SAMD9L: variants seen among roughly 807,000 people sequenced by gnomAD.
SAMD9L encodes the protein sterile alpha motif domain-containing protein 9-like.
In SAMD9L, 68 loss-of-function variants were observed where a neutral mutation model predicts 90.7. The ratio of observed to expected loss-of-function variants is 0.75; its 90% CI spans 0.62 to 0.92. The LOEUF is 0.92. Ranked by LOEUF, SAMD9L falls within the 40% of genes least tolerant of loss-of-function variation. The pLI is 0.00. For missense variants in SAMD9L, 1,604 were observed against 1,824.3 expected (o/e 0.88, Z 2.20); for synonymous variants, 640 against 630.1 (o/e 1.02, Z -0.23).
At chr7:93,141,529 T>C (rs1792689906) in intron 4 of SAMD9L, among the ~76,000 whole-genome samples, 1 of 152,242 alleles carries the variant, frequency 6.6e-6, no homozygotes, top group Non-Finnish European at 1.5e-5. Flanking sequence ...TATCAGTTAA[T>C]GGAACTTGTC....
chr7:93,131,579 G>T lies in SAMD9L; in HGVS notation c.4393C>A (p.Arg1465Ser). Reference sequence around the variant, plus strand: ...CTTGCCTGCTTGGACCTGCACATGCGCTTGTACTGTCCCCTGAAGGATCTA... The same window carrying T: ...CTTGCCTGCTTGGACCTGCACATGCTCTTGTACTGTCCCCTGAAGGATCTA... ...LNRSFRGQYK[R>S]MCRSKQASTL... The change falls in exon 5 of 5, where the codon CGC (arginine) becomes AGC (serine). Residue 1465 changes from arginine to serine, a missense_variant. Arg to Ser is a moderately radical substitution (Grantham distance 110). This residue lies in a region of SAMD9L where 282 missense variants were observed against 329.6 expected (regional missense o/e 0.86). Coordinates refer to ENST00000318238, the MANE Select transcript of SAMD9L (RefSeq NM_152703.5). 1 of 1,613,868 alleles carries T rather than the reference G, an allele frequency of 6.2e-7. No homozygotes were observed. The highest frequency in any genetic ancestry group is 8.5e-7 in the Non-Finnish European group (1 of 1,179,830).
At position 93,141,506 on chromosome 7, in the gene SAMD9L, C is replaced by G. The variant is rs1049992293; in HGVS notation, c.-21+3226G>C. The stretch of plus-strand genomic sequence containing the variant: ...ATGCCCCTCCCACTCCAAACTTGCT[C>G]CTCCTACAGTCTTATCAGTTAATGG... On this transcript the variant is annotated intron_variant, in intron 4 of 4. Coordinates refer to ENST00000318238, the MANE Select transcript of SAMD9L (RefSeq NM_152703.5). 2.0e-5 allele frequency among the ~76,000 whole-genome samples: 3 copies of G among 152,228 alleles called. 1 individual carries two copies. The highest frequency in any genetic ancestry group is 7.2e-5 in the African/African-American group (3 of 41,464).
At chr7:93,141,932 A>G (rs1792706554) in intron 4 of SAMD9L, among the ~76,000 whole-genome samples, 1 of 152,058 alleles carries the variant, frequency 6.6e-6, no homozygotes, top group Admixed American at 6.5e-5. Flanking sequence ...TGTCCACCCC[A>G]CTGTCTTTTT....
rs1792154575 is a variant in SAMD9L, at chr7:93,132,321, GA to G, written c.3650del (p.Phe1217SerfsTer41). The G allele has an allele frequency of 6.2e-7, 1 of 1,613,404 alleles. No homozygotes were observed. The highest frequency in any genetic ancestry group is 1.3e-5 in the African/African-American group (1 of 74,836). On this transcript the variant is annotated frameshift_variant, in exon 5 of 5. Coordinates refer to ENST00000318238, the MANE Select transcript of SAMD9L (RefSeq NM_152703.5). LOFTEE classifies it high-confidence loss of function. ...TIQILQLTPF[F>X]HKENELSKKH... is the part of the protein sequence containing the mutation. ...TTTTGGATAATTCATTTTCTTTGTG[GA>G]AAAAGGGAGTGAGCTGAAGAATCTG... is the stretch of plus-strand genomic sequence containing the variant.
intron 4 of SAMD9L, among the ~76,000 whole-genome samples, chr7:93,144,088 A>G (rs1792797032): frequency 6.6e-6 from 1 of 152,222 alleles, no homozygotes; most frequent in Non-Finnish European, 1.5e-5. Flanking sequence ...GACCAGAACT[A>G]GTGTTGTCTT....
chr7:93,131,600 A>T lies in SAMD9L; in HGVS notation c.4372T>A (p.Ser1458Thr), dbSNP rs368871404. The T allele has an allele frequency of 1.9e-6, 3 of 1,613,756 alleles. No homozygotes were observed. In the African/African-American group the frequency reaches 4.0e-5, roughly 22 times the overall value. The change falls in exon 5 of 5, where the codon TCC becomes ACC. Residue 1458 changes from serine to threonine, a missense_variant. Ser to Thr is a moderately conservative substitution (Grantham distance 58). Transcript: ENST00000318238. ...ATGCGCTTGTACTGTCCCCTGAAGGATCTATTTAAGGATGAAACATACTTT... is the reference window on the plus strand; with the variant it reads ...ATGCGCTTGTACTGTCCCCTGAAGGTTCTATTTAAGGATGAAACATACTTT... ...IEKYVSSLNR[S>T]FRGQYKRMCR...
At chr7:93,143,511 G>T (rs73413291) in intron 4 of SAMD9L, among the ~76,000 whole-genome samples, 4,751 of 152,100 alleles carry the variant, frequency 0.031, 200 homozygotes, top group African/African-American at 0.095. Flanking sequence ...TCCTCACCAC[G>T]GTCACCTTGC....
chr7:93,135,514 T>C lies in SAMD9L; in HGVS notation c.458A>G (p.Lys153Arg). ...CAATTGTTCAGGTTTTAGCTTACCC[T>C]TTTTCTTGTGTTTAGCATTTGCTAC... is the stretch of plus-strand genomic sequence containing the variant. ...DEVANAKHKK[K>R]GKLKPEQLTC... The change falls in exon 5 of 5, where the codon AAG (lysine) becomes AGG (arginine). Residue 153 changes from lysine (K) to arginine (R), a missense_variant. Lys to Arg is a conservative substitution (Grantham distance 26, BLOSUM62 2). Around this residue, in one of 7 missense-constraint regions of SAMD9L, gnomAD observed 374 missense variants for 363.6 expected, o/e 1.03. Transcript: ENST00000318238. 6.2e-7 allele frequency: 1 copy of C among 1,614,012 alleles called. No individual in the cohort carries two copies.
Position 93,131,279 on chromosome 7 carries a change from CTCTT to C in SAMD9L, c.4689_4692del (p.Arg1564CysfsTer5). On this transcript the variant is annotated frameshift_variant, in exon 5 of 5. Coordinates refer to ENST00000318238, the MANE Select transcript of SAMD9L (RefSeq NM_152703.5). LOFTEE classifies it high-confidence loss of function. ...ATGGAAAATCCTAGGTAGAAAGACA[CTCTT>C]TCTATGTTCCTACCACTTCTGAGTG... 1 of 1,604,534 alleles carries C rather than the reference CTCTT, an allele frequency of 6.2e-7. No homozygotes were observed. Among genetic ancestry groups the C allele is most frequent in the African/African-American group, 1.3e-5 (1 of 74,518 alleles).
At position 93,134,856 on chromosome 7, in the gene SAMD9L, T is replaced by G; in HGVS notation, c.1116A>C (p.Ser372=). The part of the protein sequence containing the change: ...DFKAFLQNLK[S]LVASRKEAEE... ...CAGCCTCTTTTCTAGATGCTACCAG[T>G]GACTTTAAATTTTGTAAAAATGCCT... The change falls in exon 5 of 5, where the codon TCA becomes TCC. Residue 372 remains serine, a synonymous_variant. Coordinates refer to ENST00000318238, the MANE Select transcript of SAMD9L (RefSeq NM_152703.5). The G allele has an allele frequency of 6.2e-7, 1 of 1,613,980 alleles. No individual in the cohort carries two copies. Among genetic ancestry groups the G allele is most frequent in the Non-Finnish European group, 8.5e-7 (1 of 1,179,928 alleles).
Position 93,135,293 on chromosome 7 carries a change from C to G in SAMD9L, c.679G>C (p.Ala227Pro), listed in dbSNP as rs769221409. Residue 227 changes from alanine to proline, a missense_variant, in exon 5 of 5, where the codon GCT becomes CCT. Transcript: ENST00000318238. ...CCATTGGTGCGTGAATTCATACAAG[C>G]TGATGCAAATCGGAAGACTTCATTG... ...FSNEVFRFASACMNSRTNGTI... is the reference protein window; with the variant it reads ...FSNEVFRFASPCMNSRTNGTI... 5 of 1,614,142 alleles carry G rather than the reference C, an allele frequency of 3.1e-6. No individual in the cohort carries two copies. The highest frequency in any genetic ancestry group is 4.2e-6 in the Non-Finnish European group (5 of 1,180,000).
At chr7:93,147,950 C>A (rs1448843233) in intron 1 of SAMD9L, among the ~76,000 whole-genome samples, 1 of 152,144 alleles carries the variant, frequency 6.6e-6, no homozygotes, top group Non-Finnish European at 1.5e-5. Context: ...ATCAGAAACC[C>A]TCCCACTATC....
intron 4 of SAMD9L, among the ~76,000 whole-genome samples, chr7:93,142,141 ATCTT>A (rs1363752519): frequency 6.6e-6 from 1 of 152,126 alleles, no homozygotes; most frequent in African/African-American, 2.4e-5. Flanking sequence ...TTTCTTGCTC[ATCTT>A]TCTTAAAATT....
chr7:93,136,098 T>C (rs1455607654), intron 4 of SAMD9L, 107 bp from the exon 5 acceptor site: 1 of 730,232 alleles, frequency 1.4e-6, no homozygotes, highest in Non-Finnish European at 2.0e-6. Context: ...TATATATGTA[T>C]AATATTGCTA....
At position 93,132,224 on chromosome 7, in the gene SAMD9L, G is replaced by C; in HGVS notation, c.3748C>G (p.Leu1250Val). 1 of 1,613,786 alleles carries C rather than the reference G, an allele frequency of 6.2e-7. No homozygotes were observed. The highest frequency in any genetic ancestry group is 8.5e-7 in the Non-Finnish European group (1 of 1,179,878). ...PDPRNECYLA[L>V]SKFTSHLKNL... ...TTTAGGTGGGATGTGAACTTGCTAA[G>C]AGCCAAATAACATTCATTTCTGGGA... Residue 1250 changes from leucine (L) to valine (V), a missense_variant, in exon 5 of 5, where the codon CTT becomes GTT. Around this residue, in one of 7 missense-constraint regions of SAMD9L, gnomAD observed 302 missense variants for 314.7 expected, o/e 0.96. Coordinates refer to ENST00000318238, the MANE Select transcript of SAMD9L (RefSeq NM_152703.5).
chr7:93,137,376 C>T (rs1792497190), intron 4 of SAMD9L, among the ~76,000 whole-genome samples: 1 of 152,014 alleles, frequency 6.6e-6, no homozygotes, highest in Non-Finnish European at 1.5e-5. Context: ...TTGTTGTGAA[C>T]TGTGCATATA....
intron 4 of SAMD9L, among the ~76,000 whole-genome samples, chr7:93,136,611 G>A (rs1015243297): frequency 6.6e-6 from 1 of 152,100 alleles, no homozygotes; most frequent in African/African-American, 2.4e-5. Flanking sequence ...TTCAAGCTGG[G>A]CTCCCTGAAA....
chr7:93,146,791 AG>A (rs1387746323), intron 2 of SAMD9L, 91 bp downstream of exon 2: 2 of 152,238 alleles, frequency 1.3e-5, no homozygotes, highest in Non-Finnish European at 2.9e-5. Flanking sequence ...AATAATGAAA[AG>A]GAAGTTTTTT....
chr7:93,136,485 A>G (rs1014370517), intron 4 of SAMD9L, among the ~76,000 whole-genome samples: 4 of 152,188 alleles, frequency 2.6e-5, no homozygotes, highest in African/African-American at 4.8e-5. Context: ...TTGGAACTCA[A>G]GCTGTTAGGC....
Sources: gnomAD v4.1 joint callset for allele counts (sites outside exome capture counted in the v4.1 genomes callset) on GRCh38, gnomAD v4.1.1 for gene constraint, gnomAD v4.1.1 regional missense constraint, MANE v1.5 for transcripts, NCBI Gene and HGNC (gene_info 2026-07-23, HGNC 2026-07-21) for gene names.